Variants in ZP2 observed in about 807,000 individuals in gnomAD.
ZP2 encodes the protein zona pellucida glycoprotein 2.
A neutral mutation model predicts 84.0 loss-of-function variants in ZP2; 51 were observed. The ratio of observed to expected loss-of-function variants is 0.61; its 90% CI spans 0.49 to 0.77. The LOEUF is 0.77. ZP2 is among the 30% of genes least tolerant of loss of function. The probability of loss-of-function intolerance (pLI) is 0.00; values close to 1 mark genes in which losing one functional copy is unlikely to be tolerated. For synonymous variants in ZP2, 375 were observed against 330.9 expected, an observed-to-expected ratio of 1.13 and a Z score of -1.45; for missense variants, 909 against 911.9, an observed-to-expected ratio of 1.00 and a Z score of 0.04.
intron 17 of ZP2, 133 bp from the exon 18 acceptor site, chr16:21,197,982 C>A: frequency 1.3e-6 from 1 of 757,758 alleles, no homozygotes. Context: ...CAGGCACAAA[C>A]TAATACACAC....
chr16:21,198,560 G>T, intron 17 of ZP2, among the ~76,000 whole-genome samples: 1 of 152,188 alleles, frequency 6.6e-6, no homozygotes, highest in African/African-American at 2.4e-5. Context: ...CCAAGTTCTA[G>T]ATCAGTAGGT....
intron 2 of ZP2, 145 bp from the exon 3 acceptor site, chr16:21,210,337 T>C (rs558604481): frequency 7.6e-6 from 5 of 655,572 alleles, no homozygotes; most frequent in African/African-American, 7.2e-5. Flanking sequence ...CACAAACAAG[T>C]GACCAAGACA....
At chr16:21,211,724 C>A (rs113265999), upstream of ZP2, 1 of 1,503,498 alleles carries the variant, frequency 6.7e-7, no homozygotes, top group South Asian at 1.2e-5. Context: ...TGACAGCTTG[C>A]GCCGGGTATT....
chr16:21,205,682 C>G (rs752386101), intron 6 of ZP2, 49 bp downstream of exon 6: 1 of 1,611,736 alleles, frequency 6.2e-7, no homozygotes, highest in Non-Finnish European at 8.5e-7. Context: ...TCACCTTTAA[C>G]ATAGAATTAA....
At chr16:21,199,955 C>CA in intron 14 of ZP2, 77 bp from the exon 15 acceptor site, 2 of 1,577,548 alleles carry the variant, frequency 1.3e-6, no homozygotes, top group Non-Finnish European at 1.7e-6. Flanking sequence ...CAGATTTAGT[C>CA]ATACGTAATA....
chr16:21,202,158 A>T lies in ZP2; in HGVS notation c.1233T>A (p.Ser411=). 1.2e-6 allele frequency: 2 copies of T among 1,607,064 alleles called. No individual in the cohort carries two copies. The highest frequency in any genetic ancestry group is 1.7e-6 in the Non-Finnish European group (2 of 1,178,284). ...SSCQPVFEAQ[S]QGLVRFHIPL... is the part of the protein sequence containing the mutation. ...GTATGTGGAACCGTACCAGCCCCTGAGACTGAGCCTCAAAGACAGGCTGGC... is the reference window on the plus strand; with the variant it reads ...GTATGTGGAACCGTACCAGCCCCTGTGACTGAGCCTCAAAGACAGGCTGGC... The change falls in exon 11 of 19, where the codon TCT becomes TCA. Residue 411 remains serine (S), a synonymous_variant. Coordinates refer to ENST00000574091, the MANE Select transcript of ZP2 (RefSeq NM_001376232.1).
At chr16:21,199,154 C>T (rs570536833) in intron 16 of ZP2, among the ~76,000 whole-genome samples, 2 of 150,974 alleles carry the variant, frequency 1.3e-5, no homozygotes, top group Admixed American at 6.6e-5. Flanking sequence ...AACCCTGTCT[C>T]TACTAAAGAT....
upstream of ZP2, chr16:21,214,206 GATTA>G: frequency 3.1e-6 from 3 of 983,320 alleles, no homozygotes; most frequent in African/African-American, 5.2e-5. Flanking sequence ...GTGCACCAGA[GATTA>G]ATTTTGTTTG....
In ZP2 at chr16:21,204,354, A is replaced by C; in HGVS notation, c.744T>G (p.Ser248=). The change falls in exon 8 of 19, where the codon TCT becomes TCG. Residue 248 remains serine, a synonymous_variant. Coordinates refer to ENST00000574091, the MANE Select transcript of ZP2 (RefSeq NM_001376232.1). ...YMVSLKLTFI[S]PGQKVIFSSQ... Reference sequence around the variant, plus strand: ...AAGAGAAGATCACCTTCTGTCCAGGAGATATAAATGTAAGCTTCAGAGACA... The same window carrying C: ...AAGAGAAGATCACCTTCTGTCCAGGCGATATAAATGTAAGCTTCAGAGACA... 6.2e-7 allele frequency: 1 copy of C among 1,614,104 alleles called. No homozygotes were observed. Among genetic ancestry groups the C allele is most frequent in the Non-Finnish European group, 8.5e-7 (1 of 1,179,984 alleles).
At chr16:21,197,705 G>A (rs540680176) in intron 18 of ZP2, 61 bp downstream of exon 18, 11 of 1,612,298 alleles carry the variant, frequency 6.8e-6, no homozygotes, top group Middle Eastern at 3.3e-4. Flanking sequence ...CCCAGAGAAG[G>A]GGGTAAAACT....
At chr16:21,210,422 C>T (rs2093269465) in intron 2 of ZP2, among the ~76,000 whole-genome samples, 1 of 151,988 alleles carries the variant, frequency 6.6e-6, no homozygotes, top group African/African-American at 2.4e-5. Flanking sequence ...GTAAGAAGCC[C>T]AGGTTAGGGT....
intron 4 of ZP2, 88 bp from the exon 5 acceptor site, chr16:21,207,078 AC>A: frequency 6.6e-7 from 1 of 1,504,906 alleles, no homozygotes; most frequent in Non-Finnish European, 9.1e-7. Context: ...GAGTGGGAAA[AC>A]CCTTAAAGTT....
chr16:21,207,057 C>G, intron 4 of ZP2, 67 bp from the exon 5 acceptor site: 1 of 1,566,738 alleles, frequency 6.4e-7, no homozygotes, highest in Non-Finnish European at 8.7e-7. Context: ...AGAATACCAT[C>G]TGACCCATCT....
intron 14 of ZP2, among the ~76,000 whole-genome samples, chr16:21,200,566 G>T (rs2093220481): frequency 6.6e-6 from 1 of 152,222 alleles, no homozygotes; most frequent in Non-Finnish European, 1.5e-5. Flanking sequence ...GACACGGCAG[G>T]AGAGCTGTAA....
Position 21,203,260 on chromosome 16 carries a change from A to G in ZP2, c.973-9T>C, listed in dbSNP as rs1210531238. 6.2e-7 allele frequency: 1 copy of G among 1,612,938 alleles called. No individual in the cohort carries two copies. Among genetic ancestry groups the G allele is most frequent in the Non-Finnish European group, 8.5e-7 (1 of 1,179,516 alleles). Reference sequence around the variant, plus strand: ...AGGCATTTTTCAGATAACTGAAATGAGAAAATGTCAATTAGCAGCCACAGT... The same window carrying G: ...AGGCATTTTTCAGATAACTGAAATGGGAAAATGTCAATTAGCAGCCACAGT... On this transcript the variant is annotated splice_polypyrimidine_tract_variant and intron_variant, in intron 9 of 18. Coordinates refer to ENST00000574091, the MANE Select transcript of ZP2 (RefSeq NM_001376232.1).
chr16:21,207,557 A>T (rs1222982015), intron 4 of ZP2, among the ~76,000 whole-genome samples: 1 of 151,914 alleles, frequency 6.6e-6, no homozygotes, highest in African/African-American at 2.4e-5. Flanking sequence ...AGGCTGAGGC[A>T]GACTGACTGC....
upstream of ZP2, among the ~76,000 whole-genome samples, chr16:21,213,811 G>T (rs940718921): frequency 1.5e-4 from 23 of 152,208 alleles, no homozygotes; most frequent in African/African-American, 5.1e-4. Flanking sequence ...GATAGCAATA[G>T]TTTCTCCTTC....
Position 21,204,330 on chromosome 16 carries a change from A to G in ZP2, c.768T>C (p.Ser256=), listed in dbSNP as rs756492737. 6.8e-6 allele frequency: 11 copies of G among 1,614,120 alleles called. No homozygotes were observed. Among genetic ancestry groups the G allele is most frequent in the Non-Finnish European group, 9.3e-6 (11 of 1,179,996 alleles). The change falls in exon 8 of 19, where the codon TCT becomes TCC. Residue 256 remains serine, a synonymous_variant. Coordinates refer to ENST00000574091, the MANE Select transcript of ZP2 (RefSeq NM_001376232.1). Reference sequence around the variant, plus strand: ...TACCTGGTGCACAAATAGCTTGTGAAGAGAAGATCACCTTCTGTCCAGGAG... The same window carrying G: ...TACCTGGTGCACAAATAGCTTGTGAGGAGAAGATCACCTTCTGTCCAGGAG... ...FISPGQKVIF[S]SQAICAPDPV...
intron 8 of ZP2, 29 bp downstream of exon 8, chr16:21,204,279 A>G (rs1234268615): frequency 6.2e-7 from 1 of 1,613,824 alleles, no homozygotes; most frequent in African/African-American, 1.3e-5. Flanking sequence ...TGTCTCCCAC[A>G]CTGAGGTTGC....
Sources: allele counts gnomAD v4.1 joint callset (sites outside exome capture counted in the v4.1 genomes callset), GRCh38; gene constraint gnomAD v4.1.1; transcripts MANE v1.5; gene names NCBI Gene and HGNC (gene_info 2026-07-23, HGNC 2026-07-21).